YME1L1: variants seen among roughly 807,000 people sequenced by gnomAD.
YME1L1 encodes the protein ATP-dependent zinc metalloprotease YME1L1.
YME1L1 carries 39 observed loss-of-function variants against 90.4 expected under a neutral mutation model. The observed-to-expected ratio is 0.43, with a 90% confidence interval of 0.33 to 0.56. The LOEUF (loss-of-function observed/expected upper bound fraction) is 0.56. Ranked by LOEUF, YME1L1 falls within the 20% of genes least tolerant of loss-of-function variation. The pLI is 0.03. For synonymous variants in YME1L1, 284 were observed against 287.3 expected (o/e 0.99, Z 0.12); for missense variants, 617 against 868.4 (o/e 0.71, Z 3.64).
chr10:27,116,165 A>G, intron 16 of YME1L1, 32 bp from the exon 17 acceptor site: 2 of 1,613,510 alleles, frequency 1.2e-6, no homozygotes, highest in South Asian at 2.2e-5. Context: ...CCATTTTAAA[A>G]CATATCTTTA....
At chr10:27,139,770 T>C (rs2057066758) in intron 4 of YME1L1, among the ~76,000 whole-genome samples, 1 of 152,208 alleles carries the variant, frequency 6.6e-6, no homozygotes, top group South Asian at 2.1e-4. Flanking sequence ...ACATACTACC[T>C]TGCAATTTTA....
chr10:27,153,600 G>A (rs1462943215), intron 1 of YME1L1, among the ~76,000 whole-genome samples: 1 of 152,176 alleles, frequency 6.6e-6, no homozygotes, highest in Non-Finnish European at 1.5e-5. Flanking sequence ...AAACGATGAG[G>A]ATGAGGCTGA....
intron 3 of YME1L1, among the ~76,000 whole-genome samples, chr10:27,144,501 C>T (rs1274543184): frequency 6.6e-6 from 1 of 152,072 alleles, no homozygotes; most frequent in Non-Finnish European, 1.5e-5. Flanking sequence ...TAAGTGCCAT[C>T]CAAAGAAAAA....
rs535007166 is a variant in YME1L1, at chr10:27,111,849, A to C, written c.*128T>G. 1,234 of 1,237,992 alleles carry C rather than the reference A, an allele frequency of 1.0e-3. 17 individuals carry two copies. The highest frequency in any genetic ancestry group is 8.0e-3 in the South Asian group (660 of 82,430). The allele number at this position is 1,237,992 out of a possible 1,614,324, so 76.7% of individuals were successfully genotyped here. A position where few individuals can be genotyped will look rare whatever the true frequency, so the allele number is the denominator to read the frequency against. On this transcript the variant is annotated 3_prime_UTR_variant, in exon 19 of 19. Coordinates refer to ENST00000376016, the MANE Select transcript of YME1L1 (RefSeq NM_014263.4). Reference sequence around the variant, plus strand: ...ACTGGATAAATGTGACAAATGATTGACAAAGCATTTCACACCCTTCAATTA... The same window carrying C: ...ACTGGATAAATGTGACAAATGATTGCCAAAGCATTTCACACCCTTCAATTA...
chr10:27,128,752 T>C (rs1399371151), intron 8 of YME1L1, among the ~76,000 whole-genome samples: 1 of 150,238 alleles, frequency 6.7e-6, no homozygotes, highest in Non-Finnish European at 1.5e-5. Context: ...AAAAAAAAAC[T>C]ACAAAAATTA....
At chr10:27,119,851 GA>G (rs1722609540) in intron 13 of YME1L1, among the ~76,000 whole-genome samples, 1 of 151,570 alleles carries the variant, frequency 6.6e-6, no homozygotes, top group East Asian at 1.9e-4. Flanking sequence ...CATTCCAAGG[GA>G]AAAAAGAAAA....
chr10:27,145,976 G>C (rs1299645280), intron 2 of YME1L1: 1 of 156,842 alleles, frequency 6.4e-6, no homozygotes, highest in African/African-American at 2.4e-5. Flanking sequence ...CTGATCAAGA[G>C]CTAGTCTATC....
intron 1 of YME1L1, among the ~76,000 whole-genome samples, chr10:27,150,165 C>T (rs971237223): frequency 6.6e-6 from 1 of 151,962 alleles, no homozygotes; most frequent in Non-Finnish European, 1.5e-5. Context: ...CCACCACACT[C>T]CAGCCTGAAT....
chr10:27,135,016 C>A, intron 5 of YME1L1, 35 bp from the exon 6 acceptor site: 2 of 1,577,346 alleles, frequency 1.3e-6, no homozygotes, highest in East Asian at 2.3e-5. Context: ...TACTGGTTAA[C>A]AACACAGTGA....
At chr10:27,142,636 T>A (rs1338518192) in intron 3 of YME1L1, 151 bp from the exon 4 acceptor site, 2 of 415,414 alleles carry the variant, frequency 4.8e-6, no homozygotes, top group Non-Finnish European at 8.7e-6. Context: ...TTTATGAAAG[T>A]ATCTAAAGCA....
chr10:27,148,001 T>C (rs773278800), intron 2 of YME1L1, among the ~76,000 whole-genome samples: 3 of 152,156 alleles, frequency 2.0e-5, no homozygotes, highest in Non-Finnish European at 4.4e-5. Context: ...TCGCCAACAA[T>C]GTCAGGATCT....
intron 3 of YME1L1, among the ~76,000 whole-genome samples, chr10:27,144,610 C>A (rs1285645685): frequency 6.6e-6 from 1 of 152,014 alleles, no homozygotes; most frequent in African/African-American, 2.4e-5. Flanking sequence ...AGACATTCCA[C>A]AAAAGGGATA....
chr10:27,133,862 T>C (rs1278143266), intron 7 of YME1L1, among the ~76,000 whole-genome samples, 177 bp downstream of exon 7: 2 of 152,172 alleles, frequency 1.3e-5, no homozygotes, highest in Admixed American at 6.5e-5. Context: ...AATTTTATAA[T>C]TGGACAGGTA....
chr10:27,141,607 C>T (rs1588610160), intron 4 of YME1L1, among the ~76,000 whole-genome samples: 2 of 19,242 alleles, frequency 1.0e-4, no homozygotes, highest in South Asian at 2.7e-3. Flanking sequence ...CCTCGACACA[C>T]ACACACACAC....
intron 3 of YME1L1, 61 bp downstream of exon 3, chr10:27,145,367 G>A (rs1231044785): frequency 7.5e-7 from 1 of 1,341,926 alleles, no homozygotes; most frequent in South Asian, 1.7e-5. Context: ...CTAAGAAATG[G>A]TATCTATAAT....
chr10:27,126,027 T>G (rs1191793518), intron 9 of YME1L1, among the ~76,000 whole-genome samples: 1 of 152,174 alleles, frequency 6.6e-6, no homozygotes, highest in African/African-American at 2.4e-5. Flanking sequence ...ATATCCTTAT[T>G]CTTAGGAAAT....
At chr10:27,142,162 C>A (rs2135891577) in intron 4 of YME1L1, among the ~76,000 whole-genome samples, 1 of 152,040 alleles carries the variant, frequency 6.6e-6, no homozygotes. Flanking sequence ...TAGATAAGTT[C>A]CCTGGAGTTT....
At chr10:27,146,484 A>T (rs939466424) in intron 2 of YME1L1, 2 of 152,238 alleles carry the variant, frequency 1.3e-5, no homozygotes, top group Admixed American at 6.5e-5. Context: ...ATGTTACTCA[A>T]ACCCAAAACA....
intron 1 of YME1L1, among the ~76,000 whole-genome samples, chr10:27,149,994 C>T (rs1395909474): frequency 6.6e-6 from 1 of 151,582 alleles, no homozygotes; most frequent in Non-Finnish European, 1.5e-5. Context: ...GAGAATCACT[C>T]GAACCTGGGA....
Sources: gnomAD v4.1 joint callset for allele counts (sites outside exome capture counted in the v4.1 genomes callset) on GRCh38, gnomAD v4.1.1 for gene constraint, MANE v1.5 for transcripts, NCBI Gene and HGNC (gene_info 2026-07-23, HGNC 2026-07-21) for gene names.